Variants in PPFIBP2 observed in about 807,000 individuals in gnomAD.
The protein encoded by PPFIBP2 is liprin-beta-2.
A neutral mutation model predicts 118.3 loss-of-function variants in PPFIBP2; 118 were observed. That is an observed-to-expected ratio of 1.00 (90% CI 0.86 to 1.16). The LOEUF (loss-of-function observed/expected upper bound fraction) is 1.16, where lower values mean the gene tolerates loss of function less well. Among genes scored for constraint, PPFIBP2 ranks in the 50% most tolerant of loss-of-function variants. The pLI is 0.00. For synonymous variants in PPFIBP2, 414 were observed against 397.4 expected, an observed-to-expected ratio of 1.04 and a Z score of -0.50; for missense variants, 1,195 against 1,073.1, an observed-to-expected ratio of 1.11 and a Z score of -1.59.
intron 17 of PPFIBP2, among the ~76,000 whole-genome samples, chr11:7,644,838 T>G (rs1271646915): frequency 6.6e-6 from 1 of 151,258 alleles, no homozygotes; most frequent in African/African-American, 2.4e-5. Flanking sequence ...CCATCCCGGC[T>G]AAAACGGTGA....
chr11:7,648,368 C>CT lies in PPFIBP2; in HGVS notation c.1647-18dup, dbSNP rs2135983590. Reference sequence around the variant, plus strand: ...AGGCTCTCCCACTAACAGGAATATGCTGTTTTCCTGCTTCCCAGTGACGCC... The same window carrying CT: ...AGGCTCTCCCACTAACAGGAATATGCTTGTTTTCCTGCTTCCCAGTGACGCC... On this transcript the variant is annotated intron_variant, in intron 17 of 23. Coordinates refer to ENST00000299492, the MANE Select transcript of PPFIBP2 (RefSeq NM_003621.5). The CT allele has an allele frequency of 6.2e-7, 1 of 1,600,646 alleles. No homozygotes were observed. Among genetic ancestry groups the CT allele is most frequent in the Non-Finnish European group, 8.6e-7 (1 of 1,169,064 alleles).
intron 3 of PPFIBP2, chr11:7,577,444 C>T: frequency 2.5e-6 from 1 of 405,498 alleles, no homozygotes; most frequent in South Asian, 1.8e-5. Context: ...CTGAAGGACG[C>T]AGGCCAGGGA....
At chr11:7,535,948 G>T (rs571896980) in intron 1 of PPFIBP2, among the ~76,000 whole-genome samples, 1 of 152,158 alleles carries the variant, frequency 6.6e-6, no homozygotes, top group Non-Finnish European at 1.5e-5. Context: ...CCCGGAGAGC[G>T]CTTCTCCCAA....
chr11:7,524,437 A>AG (rs1850045632), intron 1 of PPFIBP2, among the ~76,000 whole-genome samples: 1 of 152,214 alleles, frequency 6.6e-6, no homozygotes, highest in Non-Finnish European at 1.5e-5. Context: ...TTTCTTCCAC[A>AG]GGAAAGGATA....
intron 3 of PPFIBP2, among the ~76,000 whole-genome samples, chr11:7,575,761 C>T (rs1298386703): frequency 2.0e-5 from 3 of 152,232 alleles, no homozygotes; most frequent in Middle Eastern, 3.2e-3. Context: ...CTACTGACCC[C>T]TGTACCTTTA....
At chr11:7,588,038 G>A (rs755724622) in intron 3 of PPFIBP2, among the ~76,000 whole-genome samples, 25 of 152,006 alleles carry the variant, frequency 1.6e-4, no homozygotes, top group Non-Finnish European at 2.9e-4. Flanking sequence ...TTCTTTTTTG[G>A]ACCTGACATA....
At chr11:7,554,984 A>C (rs945042237) in intron 2 of PPFIBP2, among the ~76,000 whole-genome samples, 6 of 149,100 alleles carry the variant, frequency 4.0e-5, no homozygotes, top group African/African-American at 1.5e-4. Context: ...CTTCCTCCTG[A>C]TTAGTCCCTG....
the PPFIBP2 span, chr11:7,665,608 C>T: frequency 6.6e-7 from 1 of 1,507,790 alleles, no homozygotes; most frequent in Non-Finnish European, 8.9e-7. Context: ...TGATCCCAGG[C>T]CGCCTGCACA....
In PPFIBP2 at chr11:7,639,865, G is replaced by C; in HGVS notation, c.1370G>C (p.Arg457Thr). 6.2e-7 allele frequency: 1 copy of C among 1,613,820 alleles called. No homozygotes were observed. The highest frequency in any genetic ancestry group is 2.2e-5 in the East Asian group (1 of 44,880). The stretch of plus-strand genomic sequence containing the variant: ...GACGCCACGGGGAGCAGCCTGCTGA[G>C]GCTGAGTGAGTGTCCAGCCCTGGTG... ...QPDATGSSLL[R>T]LRDTESGWDD... is the part of the protein sequence containing the mutation. The change falls in exon 15 of 24, where the codon AGG becomes ACG. Residue 457 changes from arginine (R) to threonine (T), a missense_variant. Coordinates refer to ENST00000299492, the MANE Select transcript of PPFIBP2 (RefSeq NM_003621.5).
At chr11:7,629,263 G>C (rs911031546) in intron 9 of PPFIBP2, among the ~76,000 whole-genome samples, 196 bp from the exon 10 acceptor site, 3 of 152,164 alleles carry the variant, frequency 2.0e-5, no homozygotes, top group African/African-American at 7.2e-5. Flanking sequence ...TTCAGGTAGA[G>C]CGTGAATGCC....
chr11:7,601,877 C>G (rs770961239), intron 5 of PPFIBP2, among the ~76,000 whole-genome samples: 7 of 139,834 alleles, frequency 5.0e-5, no homozygotes, highest in Non-Finnish European at 9.5e-5. Context: ...ATGGATAACC[C>G]GAGGTCAGGA....
At chr11:7,536,526 A>C (rs1371672904) in intron 1 of PPFIBP2, among the ~76,000 whole-genome samples, 1 of 152,074 alleles carries the variant, frequency 6.6e-6, no homozygotes, top group Non-Finnish European at 1.5e-5. Flanking sequence ...GGTCACAGGG[A>C]GGAGGGGCAA....
At position 7,632,892 on chromosome 11, in the gene PPFIBP2, C is replaced by T; in HGVS notation, c.1094C>T (p.Thr365Ile). 3 of 1,613,932 alleles carry T rather than the reference C, an allele frequency of 1.9e-6. No individual in the cohort carries two copies. The highest frequency in any genetic ancestry group is 1.1e-5 in the South Asian group (1 of 91,074). Residue 365 changes from threonine (T) to isoleucine (I), a missense_variant, in exon 12 of 24, where the codon ACA becomes ATA. Thr to Ile is a moderately conservative substitution (Grantham distance 89, BLOSUM62 -1). Coordinates refer to ENST00000299492, the MANE Select transcript of PPFIBP2 (RefSeq NM_003621.5). ...QEMPPRCSSP[T>I]VGPPPLPQKS... ...ATGCCTCCAAGATGTAGCTCTCCTA[C>T]AGTGGGGCCACCTCCATTGCCACAG...
At chr11:7,635,702 G>C (rs1851361481) in intron 14 of PPFIBP2, 109 bp downstream of exon 14, 3 of 1,209,720 alleles carry the variant, frequency 2.5e-6, no homozygotes, top group African/African-American at 3.0e-5. Flanking sequence ...ACTGTAAGGA[G>C]TAAGAGGGCA....
rs184886923 is a variant in PPFIBP2 at position 7,555,751 on chromosome 11, G to A, written c.64+6212G>A. 7.7e-3 allele frequency among the ~76,000 whole-genome samples: 1,165 copies of A among 152,198 alleles called. 7 individuals are homozygous for A. Among genetic ancestry groups the A allele is most frequent in the Non-Finnish European group, 0.013 (878 of 68,000 alleles). On this transcript the variant is annotated intron_variant, in intron 2 of 23. Coordinates refer to ENST00000299492, the MANE Select transcript of PPFIBP2 (RefSeq NM_003621.5). The stretch of plus-strand genomic sequence containing the variant: ...CCCTCATTCCATTTTTCCCTCACTG[G>A]TAGACCCCATCTCCCAGTCCTTTAT...
intron 3 of PPFIBP2, among the ~76,000 whole-genome samples, chr11:7,581,217 A>G (rs1857216790): frequency 6.6e-6 from 1 of 152,258 alleles, no homozygotes; most frequent in African/African-American, 2.4e-5. Flanking sequence ...CACCTGTTCT[A>G]CATTGAGTCC....
intron 8 of PPFIBP2, 29 bp from the exon 9 acceptor site, chr11:7,628,256 T>C (rs1412759539): frequency 6.3e-7 from 1 of 1,589,216 alleles, no homozygotes; most frequent in Non-Finnish European, 8.6e-7. Context: ...TTTATATAAA[T>C]AATTATTTCT....
the PPFIBP2 span, chr11:7,665,872 TG>T: frequency 6.5e-7 from 1 of 1,535,990 alleles, no homozygotes. Context: ...TCCGGCAGGG[TG>T]TGGCCTGGTG....
intron 2 of PPFIBP2, among the ~76,000 whole-genome samples, chr11:7,565,235 T>G (rs10219240): frequency 1.3e-5 from 2 of 152,100 alleles, no homozygotes; most frequent in Non-Finnish European, 2.9e-5. Context: ...ACATTGTGAG[T>G]GATTCAGCTG....
Sources: gnomAD v4.1 joint callset for allele counts (sites outside exome capture counted in the v4.1 genomes callset) on GRCh38, gnomAD v4.1.1 for gene constraint, MANE v1.5 for transcripts, NCBI Gene and HGNC (gene_info 2026-07-23, HGNC 2026-07-21) for gene names.